Variants in PCDHGB3 observed in about 807,000 individuals in gnomAD.
PCDHGB3 encodes protocadherin gamma-B3.
In PCDHGB3, 40 loss-of-function variants were observed where a neutral mutation model predicts 59.2. The ratio of observed to expected loss-of-function variants is 0.68; its 90% confidence interval spans 0.52 to 0.88. PCDHGB3 has a LOEUF of 0.88. PCDHGB3 is among the 40% of genes least tolerant of loss of function. PCDHGB3 has a pLI of 0.00. For synonymous variants in PCDHGB3, 581 were observed against 503.6 expected (o/e 1.15, Z -2.06); for missense variants, 1,309 against 1,187.9 (o/e 1.10, Z -1.50).
chr5:141,380,571 T>C (rs529430145), intron 1 of PCDHGB3, among the ~76,000 whole-genome samples: 2 of 152,352 alleles, frequency 1.3e-5, no homozygotes, highest in African/African-American at 4.8e-5. Context: ...ATTAAACATA[T>C]CTTGGCGGTC....
chr5:141,429,374 TG>T (rs2097206438), intron 1 of PCDHGB3, among the ~76,000 whole-genome samples: 1 of 145,410 alleles, frequency 6.9e-6, no homozygotes, highest in South Asian at 2.2e-4. Context: ...ATGGAGAAAA[TG>T]TGTTTTTTTT....
intron 1 of PCDHGB3, among the ~76,000 whole-genome samples, chr5:141,456,845 C>T (rs1308477735): frequency 6.6e-6 from 1 of 152,092 alleles, no homozygotes; most frequent in African/African-American, 2.4e-5. Context: ...CGCCTGTAAT[C>T]CCAGCTAATT....
Position 141,423,519 on chromosome 5 carries a change from G to A in PCDHGB3, c.2415+50710G>A, listed in dbSNP as rs758742300. On this transcript the variant is annotated intron_variant, in intron 1 of 3. Coordinates refer to ENST00000576222, the MANE Select transcript of PCDHGB3 (RefSeq NM_018924.5). ...ACGAGGTCTCTCTCATTGCGGACTC[G>A]CAGAAGAGTCACCTGATTTTCCCCC... 8.1e-6 allele frequency: 13 copies of A among 1,613,752 alleles called. 1 individual carries two copies. In the South Asian group the frequency reaches 1.1e-4, roughly 14 times the overall value.
intron 1 of PCDHGB3, among the ~76,000 whole-genome samples, chr5:141,482,757 T>G: frequency 7.9e-6 from 1 of 127,194 alleles, no homozygotes; most frequent in Admixed American, 7.7e-5. Flanking sequence ...GATTATGGTA[T>G]TTCATTATCA....
chr5:141,413,089 C>CTT, intron 1 of PCDHGB3: 1 of 1,401,124 alleles, frequency 7.1e-7, no homozygotes, highest in South Asian at 1.4e-5. Flanking sequence ...TACAGAGACA[C>CTT]CCTGAAGCCA....
At chr5:141,482,442 C>A (rs942933015) in intron 1 of PCDHGB3, among the ~76,000 whole-genome samples, 23 of 147,678 alleles carry the variant, frequency 1.6e-4, no homozygotes, top group African/African-American at 5.6e-4. Context: ...CTGATATTCA[C>A]CATTTATTAG....
chr5:141,430,639 A>C, intron 1 of PCDHGB3: 6 of 900,712 alleles, frequency 6.7e-6, no homozygotes, highest in Non-Finnish European at 9.7e-6. Context: ...CATCCCTGGG[A>C]GTATGTGGAA....
chr5:141,505,341 A>T, intron 2 of PCDHGB3, 52 bp from the exon 3 acceptor site: 1 of 1,612,728 alleles, frequency 6.2e-7, no homozygotes, highest in Non-Finnish European at 8.5e-7. Flanking sequence ...CAGGAGGGGC[A>T]TGAGCTGTGC....
In PCDHGB3 at chr5:141,512,133, G is replaced by A. The variant is rs1394116556; in HGVS notation, c.*960G>A. ...CCACTACATAATAGGGCTCAGCCCA[G>A]GCAGCCAGCTTTGGGCTGAGCTAAC... On this transcript the variant is annotated 3_prime_UTR_variant, in exon 4 of 4. Coordinates refer to ENST00000576222, the MANE Select transcript of PCDHGB3 (RefSeq NM_018924.5). 3 of 152,708 alleles carry A rather than the reference G, an allele frequency of 2.0e-5. No homozygotes were observed. Among genetic ancestry groups the A allele is most frequent in the Non-Finnish European group, 2.9e-5 (2 of 68,102 alleles). 9.5% of individuals were successfully genotyped at this position (152,708 alleles called of 1,614,324 possible).
At chr5:141,492,710 G>A (rs11953270) in intron 1 of PCDHGB3, among the ~76,000 whole-genome samples, 27,341 of 152,278 alleles carry the variant, frequency 0.18, 2,647 homozygotes, top group Admixed American at 0.28. Flanking sequence ...GAAGCCTCGA[G>A]CAGGCGGACA....
At chr5:141,420,240 C>G (rs752339982) in intron 1 of PCDHGB3, 3 of 1,593,140 alleles carry the variant, frequency 1.9e-6, no homozygotes, top group Non-Finnish European at 2.6e-6. Context: ...ATTTTAACTC[C>G]CAGCGTTGAA....
chr5:141,457,270 T>C (rs1338894991), intron 1 of PCDHGB3, among the ~76,000 whole-genome samples: 2 of 152,234 alleles, frequency 1.3e-5, no homozygotes. Flanking sequence ...TTCCCCTCTG[T>C]GGGCCTACGA....
chr5:141,386,595 A>ATT lies in PCDHGB3; in HGVS notation c.2415+13797_2415+13798dup, dbSNP rs373179212. On this transcript the variant is annotated intron_variant, in intron 1 of 3. Transcript: ENST00000576222. Reference sequence around the variant, plus strand: ...CTCTGTACAATAGTGTGGGGGATACATTTTTTTTTTTTGACATGGAGTCTC... The same window carrying ATT: ...CTCTGTACAATAGTGTGGGGGATACATTTTTTTTTTTTTTGACATGGAGTCTC... 4.8e-5 allele frequency among the ~76,000 whole-genome samples: 7 copies of ATT among 146,172 alleles called. No individual in the cohort carries two copies. The East Asian group carries it at 9.9e-4, about 21-fold the overall frequency.
In PCDHGB3 at chr5:141,429,386, T is replaced by A. The variant is rs534045300; in HGVS notation, c.2415+56577T>A. Among the ~76,000 whole-genome samples the A allele has an allele frequency of 4.0e-3, 602 of 151,936 alleles. 6 individuals carry two copies. The highest frequency in any genetic ancestry group is 0.011 in the Admixed American group (171 of 15,268). On this transcript the variant is annotated intron_variant, in intron 1 of 3. Coordinates refer to ENST00000576222, the MANE Select transcript of PCDHGB3 (RefSeq NM_018924.5). ...AAAATGGAGAAAATGTGTTTTTTTTTTAAAAAAAATTGAGATTAAGGTCTC... is the reference window on the plus strand; with the variant it reads ...AAAATGGAGAAAATGTGTTTTTTTTATAAAAAAAATTGAGATTAAGGTCTC...
rs138641753 is a variant in PCDHGB3, at chr5:141,430,814, C to T, written c.2415+58005C>T. On this transcript the variant is annotated intron_variant, in intron 1 of 3. Transcript: ENST00000576222. ...CAAAGGGCTTGTCCTGCTGGGAATC[C>T]TCCTGGGGACTCTGTGGGAGACCGG... is the stretch of plus-strand genomic sequence containing the variant. 97 of 1,534,514 alleles carry T rather than the reference C, an allele frequency of 6.3e-5. No homozygotes were observed. The African/African-American group carries it at 1.1e-3, about 17-fold the overall frequency.
In PCDHGB3 at chr5:141,372,084, T is replaced by C. The variant is rs1169556358; in HGVS notation, c.1690T>C (p.Tyr564His). The change falls in exon 1 of 4, where the codon TAC (tyrosine) becomes CAC (histidine). Residue 564 changes from tyrosine to histidine, a missense_variant. Tyr to His is a moderately conservative substitution (Grantham distance 83). Coordinates refer to ENST00000576222, the MANE Select transcript of PCDHGB3 (RefSeq NM_018924.5). Reference protein sequence around the residue: ...DRNDNAPLVLYPALGPEGSAL... With the variant: ...DRNDNAPLVLHPALGPEGSAL... ...CAACGACAATGCACCGCTGGTGCTG[T>C]ACCCAGCTCTGGGGCCCGAAGGCTC... is the stretch of plus-strand genomic sequence containing the variant. The C allele has an allele frequency of 6.2e-7, 1 of 1,613,714 alleles. No individual in the cohort carries two copies. The highest frequency in any genetic ancestry group is 1.1e-5 in the South Asian group (1 of 91,078).
At chr5:141,389,338 T>C in intron 1 of PCDHGB3, 1 of 1,613,982 alleles carries the variant, frequency 6.2e-7, no homozygotes, top group South Asian at 1.1e-5. Flanking sequence ...AACGGCCAAG[T>C]CTCTTACTGC....
intron 1 of PCDHGB3, chr5:141,398,029 G>C (rs1363038637): frequency 2.7e-6 from 4 of 1,458,540 alleles, no homozygotes; most frequent in Non-Finnish European, 3.7e-6. Flanking sequence ...ACTGGAACTG[G>C]AACTAAAGCC....
chr5:141,404,902 C>T, intron 1 of PCDHGB3: 1 of 1,613,856 alleles, frequency 6.2e-7, no homozygotes, highest in Non-Finnish European at 8.5e-7. Context: ...AGGACCATGG[C>T]CAGCCCCCTC....
Sources: allele counts gnomAD v4.1 joint callset (sites outside exome capture counted in the v4.1 genomes callset), GRCh38; gene constraint gnomAD v4.1.1; transcripts MANE v1.5; gene names NCBI Gene and HGNC (gene_info 2026-07-23, HGNC 2026-07-21).